Variants in ST3GAL2 observed in about 807,000 individuals in gnomAD.
The protein encoded by ST3GAL2 is CMP-N-acetylneuraminate-beta-galactosamide-alpha-2,3-sialyltransferase 2.
ST3GAL2 carries 16 observed loss-of-function variants against 37.5 expected under a neutral mutation model. The ratio of observed to expected loss-of-function variants is 0.43; its 90% CI spans 0.29 to 0.65. The LOEUF (loss-of-function observed/expected upper bound fraction) is 0.65. ST3GAL2 is among the 30% of genes least tolerant of loss of function. The probability of loss-of-function intolerance (pLI) is 0.17; values close to 1 mark genes in which losing one functional copy is unlikely to be tolerated. For missense variants in ST3GAL2, 383 were observed against 487.8 expected, an observed-to-expected ratio of 0.79 and a Z score of 2.02; for synonymous variants, 238 against 202.9, an observed-to-expected ratio of 1.17 and a Z score of -1.47.
At chr16:70,384,029 C>T (rs2047424574) in intron 4 of ST3GAL2, among the ~76,000 whole-genome samples, 2 of 152,038 alleles carry the variant, frequency 1.3e-5, no homozygotes, top group South Asian at 4.1e-4. Context: ...TGTAGCCAGC[C>T]ACGGCCCCCG....
chr16:70,424,589 A>C (rs2047738144), intron 1 of ST3GAL2, among the ~76,000 whole-genome samples: 2 of 152,008 alleles, frequency 1.3e-5, no homozygotes, highest in Non-Finnish European at 2.9e-5. Flanking sequence ...CAATAAGAGC[A>C]AAACTCTGTC....
chr16:70,414,829 C>T (rs373778497), intron 1 of ST3GAL2, among the ~76,000 whole-genome samples: 22 of 151,624 alleles, frequency 1.5e-4, no homozygotes, highest in African/African-American at 2.9e-4. Context: ...CCTGCCACCA[C>T]GCCCAGATAA....
intron 1 of ST3GAL2, among the ~76,000 whole-genome samples, chr16:70,422,489 A>G (rs1453348571): frequency 1.3e-5 from 2 of 152,194 alleles, no homozygotes; most frequent in African/African-American, 4.8e-5. Flanking sequence ...GCTGGCAGAC[A>G]GTTCGGGAGA....
chr16:70,412,470 C>G (rs2047646084), intron 1 of ST3GAL2, among the ~76,000 whole-genome samples: 2 of 151,954 alleles, frequency 1.3e-5, no homozygotes, highest in African/African-American at 4.8e-5. Flanking sequence ...ACGACAACAC[C>G]CTATCTCTAC....
intron 1 of ST3GAL2, among the ~76,000 whole-genome samples, chr16:70,431,398 C>G (rs1349778259): frequency 1.3e-5 from 2 of 152,228 alleles, no homozygotes; most frequent in African/African-American, 2.4e-5. Context: ...CAGAGCAGGT[C>G]CTTGGGTCAT....
chr16:70,398,369 A>G lies in ST3GAL2; in HGVS notation c.162T>C (p.Tyr54=), dbSNP rs763869492. The change falls in exon 2 of 7, where the codon TAT becomes TAC. Residue 54 remains tyrosine (Y), a synonymous_variant. Transcript: ENST00000342907. ...GTHRVKLVPG[Y]AGLQRLSKER... is the part of the protein sequence containing the mutation. The stretch of plus-strand genomic sequence containing the variant: ...CCTTGCTGAGGCGCTGCAGGCCGGC[A>G]TAGCCGGGCACCAGCTTCACCCGGT... 7.4e-6 allele frequency: 12 copies of G among 1,613,366 alleles called. No homozygotes were observed. In the African/African-American group the frequency reaches 1.1e-4, roughly 14 times the overall value.
At chr16:70,424,674 G>A (rs751105060) in intron 1 of ST3GAL2, among the ~76,000 whole-genome samples, 3 of 152,152 alleles carry the variant, frequency 2.0e-5, no homozygotes, top group Non-Finnish European at 4.4e-5. Context: ...TGCACATGGT[G>A]TAAGACTGTA....
intron 4 of ST3GAL2, among the ~76,000 whole-genome samples, chr16:70,386,562 T>A (rs1477968850): frequency 1.3e-5 from 2 of 151,608 alleles, no homozygotes; most frequent in Non-Finnish European, 2.9e-5. Context: ...ATGGTCTTGA[T>A]CTCTTGACCT....
At chr16:70,411,330 G>C (rs1311432266) in intron 1 of ST3GAL2, among the ~76,000 whole-genome samples, 2 of 151,850 alleles carry the variant, frequency 1.3e-5, no homozygotes, top group African/African-American at 4.8e-5. Context: ...AGTTGAAGTG[G>C]GCGGAGCGGA....
intron 4 of ST3GAL2, among the ~76,000 whole-genome samples, chr16:70,387,861 T>C (rs866782172): frequency 3.9e-5 from 6 of 152,006 alleles, no homozygotes; most frequent in Non-Finnish European, 7.4e-5. Context: ...ACACCTATAA[T>C]CCCAGCACTT....
Position 70,439,079 on chromosome 16 carries a change from C to G in ST3GAL2, c.-1134G>C, listed in dbSNP as rs1393360614. 6.3e-6 allele frequency: 1 copy of G among 157,658 alleles called. No individual in the cohort carries two copies. Among genetic ancestry groups the G allele is most frequent in the East Asian group, 1.8e-4 (1 of 5,422 alleles). The allele number at this position is 157,658 out of a possible 1,614,324, so 9.8% of individuals were successfully genotyped here. A position where few individuals can be genotyped will look rare whatever the true frequency, so the allele number is the denominator to read the frequency against. ...CGGACCCGTTAGCTCGCAGCTCTCT[C>G]GTCCGCCCGCCGTGGGCTAGTCCCG... is the stretch of plus-strand genomic sequence containing the variant. On this transcript the variant is annotated 5_prime_UTR_variant, in exon 1 of 7. Coordinates refer to ENST00000342907, the MANE Select transcript of ST3GAL2 (RefSeq NM_006927.4).
At chr16:70,436,031 CAGG>C (rs1237260707) in intron 1 of ST3GAL2, among the ~76,000 whole-genome samples, 2 of 151,342 alleles carry the variant, frequency 1.3e-5, no homozygotes, top group Non-Finnish European at 2.9e-5. Context: ...GAGGCTGAGG[CAGG>C]AGAATAGCCT....
In ST3GAL2 at chr16:70,382,654, T is replaced by G. The variant is rs939816753; in HGVS notation, c.879+151A>C. The G allele has an allele frequency of 1.4e-5, 17 of 1,189,076 alleles. No individual in the cohort carries two copies. In the African/African-American group the frequency reaches 2.3e-4, roughly 16 times the overall value. 73.7% of individuals were successfully genotyped at this position (1,189,076 alleles called of 1,614,324 possible). On this transcript the variant is annotated intron_variant, in intron 6 of 6. Transcript: ENST00000342907. ...AGCAGAAACGTTTGGGAAAGGCATA[T>G]CTATACTTTACAGCCTAGAGATGGG...
chr16:70,418,524 C>A (rs546912605), intron 1 of ST3GAL2, among the ~76,000 whole-genome samples: 1 of 152,264 alleles, frequency 6.6e-6, no homozygotes, highest in East Asian at 1.9e-4. Context: ...ACTGCTGAGG[C>A]CAGAGCTGGG....
chr16:70,390,997 G>A (rs2047478702), intron 3 of ST3GAL2, among the ~76,000 whole-genome samples: 1 of 152,190 alleles, frequency 6.6e-6, no homozygotes, highest in South Asian at 2.1e-4. Flanking sequence ...GGGAAGCAGG[G>A]AGCGCAGTCT....
chr16:70,432,738 T>C (rs2047799685), intron 1 of ST3GAL2, among the ~76,000 whole-genome samples: 1 of 152,174 alleles, frequency 6.6e-6, no homozygotes, highest in African/African-American at 2.4e-5. Context: ...ACAAGCACTC[T>C]GAGCAGAGAG....
Position 70,436,681 on chromosome 16 carries a change from G to A in ST3GAL2, c.-1004+2268C>T, listed in dbSNP as rs570458253. On this transcript the variant is annotated intron_variant, in intron 1 of 6. Coordinates refer to ENST00000342907, the MANE Select transcript of ST3GAL2 (RefSeq NM_006927.4). ...AGGAGACTATGACTCTCAGTCAAAT[G>A]TGAAGAATCCTTCCCTAAACCTGTA... Among the ~76,000 whole-genome samples the A allele has an allele frequency of 7.2e-5, 11 of 152,068 alleles. No individual in the cohort carries two copies. In the South Asian group the frequency reaches 2.1e-3, roughly 29 times the overall value.
chr16:70,414,754 C>A (rs2047663411), intron 1 of ST3GAL2, among the ~76,000 whole-genome samples: 1 of 152,152 alleles, frequency 6.6e-6, no homozygotes, highest in Admixed American at 6.6e-5. Context: ...CTCACTGCAA[C>A]CTCCGCCTCC....
intron 1 of ST3GAL2, among the ~76,000 whole-genome samples, chr16:70,418,791 G>A (rs189328239): frequency 1.9e-3 from 285 of 152,288 alleles, no homozygotes; most frequent in Non-Finnish European, 2.6e-3. Flanking sequence ...CCCTAGAAGA[G>A]GGGTGAAACG....
Sources: allele counts gnomAD v4.1 joint callset (sites outside exome capture counted in the v4.1 genomes callset), GRCh38; gene constraint gnomAD v4.1.1; transcripts MANE v1.5; gene names NCBI Gene and HGNC (gene_info 2026-07-23, HGNC 2026-07-21).